The following MMP16 variants were observed in gnomAD, a reference collection of about 807,000 sequenced individuals.
The protein encoded by MMP16 is matrix metalloproteinase-16.
MMP16 carries 12 observed loss-of-function variants against 67.8 expected under a neutral mutation model. That is an observed-to-expected ratio of 0.18 (90% confidence interval 0.11 to 0.29). MMP16 has a LOEUF of 0.29. MMP16 is among the 10% of genes least tolerant of loss of function. The pLI is 1.00. For missense variants in MMP16, 475 were observed against 765.7 expected (o/e 0.62, Z 4.48); for synonymous variants, 249 against 255.9 (o/e 0.97, Z 0.26).
chr8:88,097,228 T>C (rs921496529), intron 6 of MMP16, among the ~76,000 whole-genome samples: 4 of 151,828 alleles, frequency 2.6e-5, no homozygotes, highest in African/African-American at 9.7e-5. Context: ...GAAAAACTAT[T>C]TTTTTTGGTT....
intron 1 of MMP16, among the ~76,000 whole-genome samples, chr8:88,286,103 A>G (rs761993721): frequency 4.8e-4 from 73 of 152,158 alleles, no homozygotes; most frequent in Admixed American, 2.2e-3. Flanking sequence ...TCTCAACAGC[A>G]TGATCAACTG....
At chr8:88,232,621 A>G (rs1809879909) in intron 1 of MMP16, among the ~76,000 whole-genome samples, 1 of 152,172 alleles carries the variant, frequency 6.6e-6, no homozygotes, top group Admixed American at 6.5e-5. Context: ...TAAGAGAAGC[A>G]CTCAAGTCCT....
chr8:88,301,394 C>T (rs1395425647), intron 1 of MMP16, among the ~76,000 whole-genome samples: 1 of 152,174 alleles, frequency 6.6e-6, no homozygotes, highest in Admixed American at 6.5e-5. Flanking sequence ...TTCACTCCTT[C>T]CTGGAAGCAG....
intron 1 of MMP16, among the ~76,000 whole-genome samples, chr8:88,257,895 GGTCAGTT>G (rs1810328741): frequency 6.6e-6 from 1 of 152,032 alleles, no homozygotes; most frequent in Non-Finnish European, 1.5e-5. Flanking sequence ...AAGGTCAGTT[GGTCAGTT>G]AAGTTACTTT....
chr8:88,159,507 G>C (rs1239562586), intron 4 of MMP16, among the ~76,000 whole-genome samples: 1 of 152,170 alleles, frequency 6.6e-6, no homozygotes, highest in East Asian at 1.9e-4. Flanking sequence ...TTTTCACATT[G>C]ATTTTGTATC....
intron 1 of MMP16, among the ~76,000 whole-genome samples, chr8:88,324,048 A>G (rs1811501007): frequency 6.6e-6 from 1 of 152,146 alleles, no homozygotes; most frequent in South Asian, 2.1e-4. Context: ...TGATATATGG[A>G]TATCTTTACC....
intron 1 of MMP16, among the ~76,000 whole-genome samples, chr8:88,326,617 G>A (rs868204859): frequency 6.6e-6 from 1 of 151,896 alleles, no homozygotes; most frequent in Non-Finnish European, 1.5e-5. Flanking sequence ...GTGTTCCCAC[G>A]CTCTCCTCTA....
At chr8:88,282,219 C>T (rs988766096) in intron 1 of MMP16, among the ~76,000 whole-genome samples, 14 of 151,998 alleles carry the variant, frequency 9.2e-5, no homozygotes, top group African/African-American at 2.9e-4. Context: ...AGATTACAGG[C>T]GTGCACCACC....
chr8:88,049,604 C>A (rs2878919), intron 8 of MMP16, among the ~76,000 whole-genome samples: 2,769 of 152,318 alleles, frequency 0.018, 51 homozygotes, highest in Non-Finnish European at 0.027. Flanking sequence ...ACAATAGATG[C>A]AGCGTCGGTT....
intron 1 of MMP16, among the ~76,000 whole-genome samples, chr8:88,278,800 G>A (rs1236720606): frequency 6.6e-6 from 1 of 152,108 alleles, no homozygotes; most frequent in Non-Finnish European, 1.5e-5. Context: ...ATGTTCTGCT[G>A]GGAATAGGAT....
intron 7 of MMP16, among the ~76,000 whole-genome samples, 178 bp downstream of exon 7, chr8:88,074,427 T>C (rs1221313035): frequency 6.6e-6 from 1 of 152,118 alleles, no homozygotes; most frequent in Non-Finnish European, 1.5e-5. Flanking sequence ...GAGAATACCG[T>C]ATGAGAACAA....
chr8:88,202,692 A>G (rs1452514544), intron 1 of MMP16, among the ~76,000 whole-genome samples: 1 of 152,196 alleles, frequency 6.6e-6, no homozygotes, highest in East Asian at 1.9e-4. Flanking sequence ...AAAGCAAAAC[A>G]CAACCAATGA....
chr8:88,264,622 A>T (rs1382144066), intron 1 of MMP16, among the ~76,000 whole-genome samples: 1 of 152,224 alleles, frequency 6.6e-6, no homozygotes, highest in African/African-American at 2.4e-5. Flanking sequence ...TGTCGGGCAC[A>T]TGCAGGTGAT....
chr8:88,167,523 A>C, intron 4 of MMP16, 146 bp downstream of exon 4: 1 of 722,004 alleles, frequency 1.4e-6, no homozygotes, highest in Admixed American at 3.2e-5. Context: ...CTTATCCTAA[A>C]ATGCTATAAA....
At chr8:88,171,349 CA>C (rs1808799871) in intron 3 of MMP16, among the ~76,000 whole-genome samples, 1 of 152,110 alleles carries the variant, frequency 6.6e-6, no homozygotes, top group East Asian at 1.9e-4. Context: ...TGAAAGATTA[CA>C]AAAAAGAGAG....
chr8:88,285,403 G>GT (rs1160560418), intron 1 of MMP16, among the ~76,000 whole-genome samples: 1 of 152,152 alleles, frequency 6.6e-6, no homozygotes, highest in Non-Finnish European at 1.5e-5. Context: ...GCCTCCCGAA[G>GT]TGCTGGGATT....
chr8:88,126,672 G>A (rs572422382), intron 4 of MMP16, among the ~76,000 whole-genome samples: 18 of 151,830 alleles, frequency 1.2e-4, no homozygotes, highest in African/African-American at 4.3e-4. Context: ...TTTATATACG[G>A]AATCATTACT....
At chr8:88,281,570 G>A (rs1244276433) in intron 1 of MMP16, among the ~76,000 whole-genome samples, 1 of 152,184 alleles carries the variant, frequency 6.6e-6, no homozygotes, top group Non-Finnish European at 1.5e-5. Context: ...TCTGGCCAGT[G>A]GTCTTTCCAG....
chr8:88,182,299 C>G (rs760485596), intron 3 of MMP16, among the ~76,000 whole-genome samples: 1 of 151,924 alleles, frequency 6.6e-6, no homozygotes, highest in Non-Finnish European at 1.5e-5. Flanking sequence ...TTAAAACAAG[C>G]AAGTCAGTTA....
Sources: allele counts gnomAD v4.1 joint callset (sites outside exome capture counted in the v4.1 genomes callset), GRCh38; gene constraint gnomAD v4.1.1; transcripts MANE v1.5; gene names NCBI Gene and HGNC (gene_info 2026-07-23, HGNC 2026-07-21).